The following BTLA variants were observed in gnomAD, a reference collection of about 807,000 sequenced individuals.
BTLA encodes the protein B and T lymphocyte associated.
In BTLA, 11 loss-of-function variants were observed where a neutral mutation model predicts 25.0. That is an observed-to-expected ratio of 0.44 (90% confidence interval 0.28 to 0.73). The LOEUF (loss-of-function observed/expected upper bound fraction) is 0.73. Ranked by LOEUF, BTLA falls within the 30% of genes least tolerant of loss-of-function variation. BTLA has a pLI of 0.15. For missense variants in BTLA, 282 were observed against 332.8 expected (o/e 0.85, Z 1.19); for synonymous variants, 104 against 119.8 (o/e 0.87, Z 0.86).
chr3:112,467,150 C>T (rs983949599), intron 4 of BTLA, among the ~76,000 whole-genome samples: 1 of 151,922 alleles, frequency 6.6e-6, no homozygotes, highest in African/African-American at 2.4e-5. Flanking sequence ...TTAGTAGAGA[C>T]GGGGTTTCAC....
chr3:112,469,955 T>C (rs1023145530), intron 3 of BTLA, 151 bp from the exon 4 acceptor site: 4 of 598,132 alleles, frequency 6.7e-6, no homozygotes, highest in Non-Finnish European at 1.2e-5. Flanking sequence ...CACTTGTTTG[T>C]GATAATTCAC....
chr3:112,478,848 C>T (rs2082302681), intron 2 of BTLA, among the ~76,000 whole-genome samples: 1 of 152,166 alleles, frequency 6.6e-6, no homozygotes, highest in Non-Finnish European at 1.5e-5. Flanking sequence ...CCAAGCTTAA[C>T]TTCTATCTGT....
intron 1 of BTLA, among the ~76,000 whole-genome samples, chr3:112,485,848 C>T (rs919215026): frequency 7.9e-5 from 12 of 152,244 alleles, no homozygotes; most frequent in Admixed American, 4.6e-4. Context: ...CACGGTGGCT[C>T]ACGCCTGTGG....
intron 2 of BTLA, among the ~76,000 whole-genome samples, chr3:112,477,355 G>GT (rs1460074949): frequency 5.6e-4 from 10 of 17,948 alleles, no homozygotes; most frequent in Admixed American, 9.9e-4. Context: ...ATTATTTTCT[G>GT]TGTTTTTTTT....
intron 1 of BTLA, among the ~76,000 whole-genome samples, chr3:112,494,457 A>C (rs757254492): frequency 1.5e-4 from 23 of 152,352 alleles, no homozygotes; most frequent in Middle Eastern, 6.8e-3. Context: ...ATGCACACGT[A>C]TGTTTATTGC....
intron 2 of BTLA, among the ~76,000 whole-genome samples, chr3:112,473,862 C>T (rs985660918): frequency 2.9e-4 from 44 of 151,954 alleles, no homozygotes; most frequent in African/African-American, 7.0e-4. Context: ...GTGATTTGTT[C>T]GTCTTGGCCT....
rs1576673605 is a variant in BTLA at position 112,464,226 on chromosome 3, G to C, written c.*1882C>G. 2 of 397,608 alleles carry C rather than the reference G, an allele frequency of 5.0e-6. No individual in the cohort carries two copies. The highest frequency in any genetic ancestry group is 8.9e-6 in the Non-Finnish European group (2 of 225,476). The allele number at this position is 397,608 out of a possible 1,614,324, so 24.6% of individuals were successfully genotyped here. A position where few individuals can be genotyped will look rare whatever the true frequency, so the allele number is the denominator to read the frequency against. ...AGTACAAATATATTAATACATCTTA[G>C]AGATGAAATCATTATCAGCATTATC... On this transcript the variant is annotated 3_prime_UTR_variant, in exon 5 of 5. Coordinates refer to ENST00000334529, the MANE Select transcript of BTLA (RefSeq NM_181780.4).
chr3:112,475,035 T>C (rs570932603), intron 2 of BTLA, among the ~76,000 whole-genome samples: 65 of 152,244 alleles, frequency 4.3e-4, no homozygotes, highest in African/African-American at 1.4e-3. Flanking sequence ...TTGACCAAAA[T>C]GGGGAAATAC....
In BTLA at chr3:112,464,106, A is replaced by G. The variant is rs1368694709; in HGVS notation, c.*2002T>C. ...ACTAATGAAATAAGCCATGTAAATA[A>G]TAGTGAAGTAGAGTCATTTGGGAAA... On this transcript the variant is annotated 3_prime_UTR_variant, in exon 5 of 5. Transcript: ENST00000334529. 1 of 397,908 alleles carries G rather than the reference A, an allele frequency of 2.5e-6. No individual in the cohort carries two copies. Among genetic ancestry groups the G allele is most frequent in the African/African-American group, 2.1e-5 (1 of 48,622 alleles). 24.6% of individuals were successfully genotyped at this position (397,908 alleles called of 1,614,324 possible).
rs111909904 is a variant in BTLA, at chr3:112,479,397, C to G, written c.403+58G>C. ...ATAATCACTTGAGAAACTGAACCCC[C>G]CTCTTCCTGGAAACATTATAAGAAA... On this transcript the variant is annotated intron_variant, in intron 2 of 4. Coordinates refer to ENST00000334529, the MANE Select transcript of BTLA (RefSeq NM_181780.4). 2.5e-5 allele frequency: 37 copies of G among 1,488,608 alleles called. 1 individual carries two copies. In the South Asian group the frequency reaches 3.4e-4, roughly 14 times the overall value. 92.2% of individuals were successfully genotyped at this position (1,488,608 alleles called of 1,614,324 possible).
chr3:112,484,043 GGA>G (rs1199971030), intron 1 of BTLA, among the ~76,000 whole-genome samples: 48 of 152,056 alleles, frequency 3.2e-4, no homozygotes, highest in Non-Finnish European at 5.4e-4. Context: ...AAAGCTTCAT[GGA>G]AAGGCTATAC....
intron 2 of BTLA, among the ~76,000 whole-genome samples, chr3:112,472,618 C>T (rs758396917): frequency 4.6e-5 from 7 of 151,992 alleles, no homozygotes; most frequent in Non-Finnish European, 1.0e-4. Flanking sequence ...CGCTTGAACT[C>T]GGTAGGTGGA....
chr3:112,484,366 A>G (rs2082334944), intron 1 of BTLA, among the ~76,000 whole-genome samples: 1 of 152,244 alleles, frequency 6.6e-6, no homozygotes, highest in Admixed American at 6.5e-5. Context: ...GCTACAAATG[A>G]GACTATTCAT....
chr3:112,467,124 ATTT>A (rs925993857), intron 4 of BTLA, among the ~76,000 whole-genome samples: 1 of 150,956 alleles, frequency 6.6e-6, no homozygotes, highest in African/African-American at 2.4e-5. Flanking sequence ...CGCCCGGCTA[ATTT>A]TTTTTTGTAT....
At chr3:112,467,528 T>G (rs562361295) in intron 4 of BTLA, among the ~76,000 whole-genome samples, 1 of 152,252 alleles carries the variant, frequency 6.6e-6, no homozygotes, top group Non-Finnish European at 1.5e-5. Flanking sequence ...TCCACTGTCT[T>G]TGAAAGTCAA....
rs34606026 is a variant in BTLA at position 112,498,568 on chromosome 3, C to CTTTTT, written c.88+698_88+702dup. On this transcript the variant is annotated intron_variant, in intron 1 of 4. Coordinates refer to ENST00000334529, the MANE Select transcript of BTLA (RefSeq NM_181780.4). ...GACTTTACAATAAAAAAGAAATTGC[C>CTTTTT]TTTTTTTTTTTTTTTTTTTTTTTGC... is the stretch of plus-strand genomic sequence containing the variant. Among the ~76,000 whole-genome samples the CTTTTT allele has an allele frequency of 3.0e-3, 254 of 83,840 alleles. 9 individuals are homozygous for CTTTTT. The highest frequency in any genetic ancestry group is 0.011 in the Middle Eastern group (1 of 94). The allele number at this position is 83,840 out of a possible 152,430, so 55.0% of individuals were successfully genotyped here.
At chr3:112,495,075 C>T (rs886622009) in intron 1 of BTLA, among the ~76,000 whole-genome samples, 1 of 152,140 alleles carries the variant, frequency 6.6e-6, no homozygotes, top group East Asian at 1.9e-4. Context: ...GAATGGCATG[C>T]CATGCACTAT....
intron 2 of BTLA, among the ~76,000 whole-genome samples, chr3:112,476,769 G>A (rs2082290665): frequency 6.6e-6 from 1 of 152,078 alleles, no homozygotes; most frequent in Non-Finnish European, 1.5e-5. Flanking sequence ...TTTTGCAAAC[G>A]TGACTACGAT....
rs1452001904 is a variant in BTLA, at chr3:112,464,919, T to G, written c.*1189A>C. ...CCACTTTGTATGAAGACTATTACAT[T>G]ATTCAGTAGCAGCACCTGAGAATTC... On this transcript the variant is annotated 3_prime_UTR_variant, in exon 5 of 5. Transcript: ENST00000334529. 1 of 152,182 alleles carries G rather than the reference T, an allele frequency of 6.6e-6. No homozygotes were observed. The highest frequency in any genetic ancestry group is 1.9e-4 in the East Asian group (1 of 5,198). The allele number at this position is 152,182 out of a possible 1,614,324, so 9.4% of individuals were successfully genotyped here. A position where few individuals can be genotyped will look rare whatever the true frequency, so the allele number is the denominator to read the frequency against.
Sources: allele counts gnomAD v4.1 joint callset (sites outside exome capture counted in the v4.1 genomes callset), GRCh38; gene constraint gnomAD v4.1.1; transcripts MANE v1.5; gene names NCBI Gene and HGNC (gene_info 2026-07-23, HGNC 2026-07-21).